The following DNALI1 variants were observed in gnomAD, a reference collection of about 807,000 sequenced individuals.
DNALI1 encodes axonemal dynein light intermediate polypeptide 1.
DNALI1 carries 31 observed loss-of-function variants against 33.9 expected under a neutral mutation model. The ratio of observed to expected loss-of-function variants is 0.91; its 90% CI spans 0.69 to 1.23. The LOEUF (loss-of-function observed/expected upper bound fraction) is 1.23, where lower values mean the gene tolerates loss of function less well. Ranked by LOEUF, DNALI1 falls within the 50% of genes most tolerant of loss-of-function variation. DNALI1 has a pLI of 0.00. For synonymous variants in DNALI1, 117 were observed against 129.2 expected (o/e 0.91, Z 0.64); for missense variants, 305 against 323.8 (o/e 0.94, Z 0.44).
rs1392014358 is a variant in DNALI1 at position 37,560,080 on chromosome 1, G to A, written c.397+584G>A. Among the ~76,000 whole-genome samples the A allele has an allele frequency of 2.0e-5, 3 of 152,162 alleles. No homozygotes were observed. In the East Asian group the frequency reaches 5.8e-4, roughly 29 times the overall value. ...AGCAGCATTGCTGCCAACATGTCTC[G>A]CCTCCCGCCACAGGGCGTTTTTTCT... On this transcript the variant is annotated intron_variant, in intron 3 of 5. Coordinates refer to ENST00000652629, the MANE Select transcript of DNALI1 (RefSeq NM_003462.5).
chr1:37,557,572 T>G, intron 1 of DNALI1, 31 bp from the exon 2 acceptor site: 1 of 1,597,978 alleles, frequency 6.3e-7, no homozygotes, highest in South Asian at 1.1e-5. Flanking sequence ...TCCTGAACAA[T>G]TTCCTGCCCT....
chr1:37,562,211 T>C lies in DNALI1; in HGVS notation c.707T>C (p.Ile236Thr), dbSNP rs772773309. 1.9e-6 allele frequency: 3 copies of C among 1,613,116 alleles called. No homozygotes were observed. The highest frequency in any genetic ancestry group is 1.3e-5 in the African/African-American group (1 of 74,666). The change falls in exon 5 of 6, where the codon ATT becomes ACT. Residue 236 changes from isoleucine to threonine, a missense_variant. Coordinates refer to ENST00000652629, the MANE Select transcript of DNALI1 (RefSeq NM_003462.5). The surrounding 1 kb of genome is among the most constrained non-coding windows in gnomAD (Gnocchi z 5.8). ...QVEEKKHNEE[I>T]QFLKRTNQQL... is the part of the protein sequence containing the mutation. ...GAGGAGAAGAAGCACAATGAGGAGA[T>C]TCAGTTCCTGAAGCGAACAAATCAG...
rs1348464955 is a variant in DNALI1 at position 37,566,600 on chromosome 1, CA to C, written c.*1540del. ...TATAGACCTCATCCCCTATTTCTGT[CA>C]GACAGTTATATGACAGGGTGACTGT... On this transcript the variant is annotated 3_prime_UTR_variant, in exon 6 of 6. Coordinates refer to ENST00000652629, the MANE Select transcript of DNALI1 (RefSeq NM_003462.5). The C allele has an allele frequency of 2.3e-6, 1 of 442,114 alleles. No individual in the cohort carries two copies. Among genetic ancestry groups the C allele is most frequent in the African/African-American group, 2.0e-5 (1 of 49,828 alleles). The allele number at this position is 442,114 out of a possible 1,614,324, so 27.4% of individuals were successfully genotyped here. A position where few individuals can be genotyped will look rare whatever the true frequency, so the allele number is the denominator to read the frequency against.
rs1643432959 is a variant in DNALI1, at chr1:37,561,060, T to C, written c.398-497T>C. 1 of 156,112 alleles carries C rather than the reference T, an allele frequency of 6.4e-6. No individual in the cohort carries two copies. Among genetic ancestry groups the C allele is most frequent in the South Asian group, 1.9e-4 (1 of 5,172 alleles). The allele number at this position is 156,112 out of a possible 1,614,324, so 9.7% of individuals were successfully genotyped here. A position where few individuals can be genotyped will look rare whatever the true frequency, so the allele number is the denominator to read the frequency against. ...CTGCAGGGTCTAGCAGGCTTCCCTATCCGTGTGTTATTATGGTTTGCCCTC... is the reference window on the plus strand; with the variant it reads ...CTGCAGGGTCTAGCAGGCTTCCCTACCCGTGTGTTATTATGGTTTGCCCTC... On this transcript the variant is annotated intron_variant, in intron 3 of 5. Transcript: ENST00000652629. This position sits in a 1 kb window ranked among gnomAD's most constrained non-coding sequence, Gnocchi z 4.6.
rs1378689969 is a variant in DNALI1, at chr1:37,562,371, G to A, written c.741+126G>A. ...CCACATGCACTGCCAAAGGATAAAG[G>A]AAGCTGACTTTGGTGGTGGGAGAAG... is the stretch of plus-strand genomic sequence containing the variant. On this transcript the variant is annotated intron_variant, in intron 5 of 5. Transcript: ENST00000652629. The surrounding 1 kb of genome is among the most constrained non-coding windows in gnomAD (Gnocchi z 5.8). The A allele has an allele frequency of 7.6e-7, 1 of 1,311,978 alleles. No homozygotes were observed. The highest frequency in any genetic ancestry group is 1.0e-6 in the Non-Finnish European group (1 of 973,194). 81.3% of individuals were successfully genotyped at this position (1,311,978 alleles called of 1,614,324 possible).
At chr1:37,558,221 G>A (rs11586828) in intron 2 of DNALI1, 7,879 of 153,678 alleles carry the variant, frequency 0.051, 293 homozygotes, top group Non-Finnish European at 0.077. Context: ...CACAGCATGT[G>A]TCCTATCCTT....
At chr1:37,564,628 G>A (rs1643478811) in intron 5 of DNALI1, among the ~76,000 whole-genome samples, 2 of 152,044 alleles carry the variant, frequency 1.3e-5, no homozygotes, top group African/African-American at 2.4e-5. Context: ...CGATCCGCCC[G>A]CCTCAGCCTC....
Position 37,562,584 on chromosome 1 carries a change from G to A in DNALI1, c.741+339G>A. Among the ~76,000 whole-genome samples the A allele has an allele frequency of 6.6e-6, 1 of 152,176 alleles. No individual in the cohort carries two copies. Among genetic ancestry groups the A allele is most frequent in the East Asian group, 1.9e-4 (1 of 5,180 alleles). On this transcript the variant is annotated intron_variant, in intron 5 of 5. Coordinates refer to ENST00000652629, the MANE Select transcript of DNALI1 (RefSeq NM_003462.5). The surrounding 1 kb of genome is among the most constrained non-coding windows in gnomAD (Gnocchi z 5.8). Reference sequence around the variant, plus strand: ...TGTTGGAGCCTTTCTGGAGGGGGCTGGGCTCCAGGTGGCTTGCGTGGTAGT... The same window carrying A: ...TGTTGGAGCCTTTCTGGAGGGGGCTAGGCTCCAGGTGGCTTGCGTGGTAGT...
chr1:37,557,819 G>A (rs1570036618), intron 2 of DNALI1, 71 bp downstream of exon 2: 1 of 1,591,872 alleles, frequency 6.3e-7, no homozygotes, highest in Non-Finnish European at 8.6e-7. Context: ...AGTGTGGGGG[G>A]AGGCACTCTG....
At position 37,566,707 on chromosome 1, in the gene DNALI1, G is replaced by A. The variant is rs1643506760; in HGVS notation, c.*1646G>A. On this transcript the variant is annotated 3_prime_UTR_variant, in exon 6 of 6. Coordinates refer to ENST00000652629, the MANE Select transcript of DNALI1 (RefSeq NM_003462.5). ...TCACTGAAATCCTTAAGGTTGAGGA[G>A]GCTTTATTTCCCTAGCACTGGTGAA... The A allele has an allele frequency of 2.8e-6, 2 of 703,414 alleles. No homozygotes were observed. Among genetic ancestry groups the A allele is most frequent in the Admixed American group, 2.6e-5 (1 of 38,002 alleles). The allele number at this position is 703,414 out of a possible 1,614,324, so 43.6% of individuals were successfully genotyped here.
At position 37,561,574 on chromosome 1, in the gene DNALI1, G is replaced by C; in HGVS notation, c.415G>C (p.Val139Leu). 1 of 1,613,830 alleles carries C rather than the reference G, an allele frequency of 6.2e-7. No individual in the cohort carries two copies. Among genetic ancestry groups the C allele is most frequent in the Non-Finnish European group, 8.5e-7 (1 of 1,179,884 alleles). The change falls in exon 4 of 6, where the codon GTC becomes CTC. Residue 139 changes from valine (V) to leucine (L), a missense_variant. Val to Leu is a conservative substitution (Grantham distance 32). Transcript: ENST00000652629. The surrounding 1 kb of genome is among the most constrained non-coding windows in gnomAD (Gnocchi z 4.6). ...SQCFDELIRE[V>L]TINCAERGLL... is the part of the protein sequence containing the mutation. ...ATTGGAAGATGAGTTGATCCGGGAG[G>C]TCACCATCAACTGTGCGGAGAGGGG...
In DNALI1 at chr1:37,565,717, G is replaced by A. The variant is rs1643492288; in HGVS notation, c.*656G>A. On this transcript the variant is annotated 3_prime_UTR_variant, in exon 6 of 6. Transcript: ENST00000652629. ...ATACTAGTCACAGTGGCCTTTGTGAGTTGTCTGCAACTCAGCTCTTCCCCC... is the reference window on the plus strand; with the variant it reads ...ATACTAGTCACAGTGGCCTTTGTGAATTGTCTGCAACTCAGCTCTTCCCCC... 6.6e-6 allele frequency: 1 copy of A among 152,440 alleles called. No individual in the cohort carries two copies. The highest frequency in any genetic ancestry group is 1.5e-5 in the Non-Finnish European group (1 of 68,428). 9.4% of individuals were successfully genotyped at this position (152,440 alleles called of 1,614,324 possible). A position where few individuals can be genotyped will look rare whatever the true frequency, so the allele number is the denominator to read the frequency against.
intron 2 of DNALI1, chr1:37,558,334 G>C (rs1011642006): frequency 6.6e-6 from 1 of 152,304 alleles, no homozygotes; most frequent in Non-Finnish European, 1.5e-5. Context: ...GTGGCCACTC[G>C]CACTGCTGCA....
chr1:37,560,914 C>T (rs1218931477), intron 3 of DNALI1: 1 of 152,290 alleles, frequency 6.6e-6, no homozygotes, highest in East Asian at 1.9e-4. Context: ...TGTTAACCCA[C>T]AGACACGAGA....
chr1:37,561,807 A>G lies in DNALI1; in HGVS notation c.576+72A>G. The G allele has an allele frequency of 6.5e-7, 1 of 1,542,876 alleles. No homozygotes were observed. Among genetic ancestry groups the G allele is most frequent in the East Asian group, 2.3e-5 (1 of 42,892 alleles). ...CTCAGGGCCACATGCTTATCATTCC[A>G]GCACTACATTCTGACCTCCTAAGGT... On this transcript the variant is annotated intron_variant, in intron 4 of 5. Coordinates refer to ENST00000652629, the MANE Select transcript of DNALI1 (RefSeq NM_003462.5). This position sits in a 1 kb window ranked among gnomAD's most constrained non-coding sequence, Gnocchi z 4.6.
In DNALI1 at chr1:37,565,392, C is replaced by T. The variant is rs1643488045; in HGVS notation, c.*331C>T. The T allele has an allele frequency of 6.2e-6, 2 of 321,566 alleles. No homozygotes were observed. Among genetic ancestry groups the T allele is most frequent in the Non-Finnish European group, 1.2e-5 (2 of 173,384 alleles). 19.9% of individuals were successfully genotyped at this position (321,566 alleles called of 1,614,324 possible). ...AAGCCACTGCTTTCTCATCATCACTCTATACCAATACTTATTTCTGGCCAA... is the reference window on the plus strand; with the variant it reads ...AAGCCACTGCTTTCTCATCATCACTTTATACCAATACTTATTTCTGGCCAA... On this transcript the variant is annotated 3_prime_UTR_variant, in exon 6 of 6. Transcript: ENST00000652629.
rs1643412119 is a variant in DNALI1, at chr1:37,559,587, G to C, written c.397+91G>C. On this transcript the variant is annotated intron_variant, in intron 3 of 5. Coordinates refer to ENST00000652629, the MANE Select transcript of DNALI1 (RefSeq NM_003462.5). This position sits in a 1 kb window ranked among gnomAD's most constrained non-coding sequence, Gnocchi z 5.3. ...CAGATCCAAGCCTGAGCACCTTGGAGCTGGAGCCCATCTCATGCTGGAATC... is the reference window on the plus strand; with the variant it reads ...CAGATCCAAGCCTGAGCACCTTGGACCTGGAGCCCATCTCATGCTGGAATC... 3.8e-6 allele frequency: 5 copies of C among 1,332,056 alleles called. No homozygotes were observed. Among genetic ancestry groups the C allele is most frequent in the Non-Finnish European group, 4.9e-6 (5 of 1,023,278 alleles). The allele number at this position is 1,332,056 out of a possible 1,614,324, so 82.5% of individuals were successfully genotyped here.
Position 37,562,652 on chromosome 1 carries a change from T to C in DNALI1, c.741+407T>C, listed in dbSNP as rs922855688. ...TCCTCTGAGGCCCTGTTTCAGGGCA[T>C]AACCAGGGAAGAAGTCAAAGGGCAG... On this transcript the variant is annotated intron_variant, in intron 5 of 5. Coordinates refer to ENST00000652629, the MANE Select transcript of DNALI1 (RefSeq NM_003462.5). This position sits in a 1 kb window ranked among gnomAD's most constrained non-coding sequence, Gnocchi z 5.8. Among the ~76,000 whole-genome samples, 2 of 152,092 alleles carry C rather than the reference T, an allele frequency of 1.3e-5. No individual in the cohort carries two copies. Among genetic ancestry groups the C allele is most frequent in the Non-Finnish European group, 2.9e-5 (2 of 68,004 alleles).
At chr1:37,557,507 G>A in intron 1 of DNALI1, 96 bp from the exon 2 acceptor site, 1 of 1,480,744 alleles carries the variant, frequency 6.8e-7, no homozygotes, top group Non-Finnish European at 9.1e-7. Flanking sequence ...GAAGAGGGGA[G>A]GGCTGTGCAG....
Sources: gnomAD v4.1 joint callset for allele counts (sites outside exome capture counted in the v4.1 genomes callset) on GRCh38, gnomAD v4.1.1 for gene constraint, Gnocchi (gnomAD v3.1) non-coding constraint, MANE v1.5 for transcripts, NCBI Gene and HGNC (gene_info 2026-07-23, HGNC 2026-07-21) for gene names.